ACACB: variants seen among roughly 807,000 people sequenced by gnomAD.
ACACB encodes acetyl-CoA carboxylase beta.
Under a neutral mutation model 278.8 loss-of-function variants are expected in ACACB, and 209 were observed. The observed-to-expected ratio is 0.75, with a 90% CI of 0.67 to 0.84. The LOEUF is 0.84. ACACB is among the 40% of genes least tolerant of loss of function. The probability of loss-of-function intolerance (pLI) is 0.00; values close to 1 mark genes in which losing one functional copy is unlikely to be tolerated. For synonymous variants in ACACB, 1,174 were observed against 1,285.6 expected, an observed-to-expected ratio of 0.91 and a Z score of 1.86; for missense variants, 2,850 against 3,269.0, an observed-to-expected ratio of 0.87 and a Z score of 3.13.
intron 45 of ACACB, among the ~76,000 whole-genome samples, chr12:109,256,995 C>T (rs2047241717): frequency 1.3e-5 from 2 of 152,170 alleles, no homozygotes; most frequent in Admixed American, 6.5e-5. Flanking sequence ...CAGCCAGGGC[C>T]GGGCGTGGCA....
intron 33 of ACACB, 38 bp downstream of exon 33, chr12:109,235,685 A>G (rs2136629358): frequency 6.3e-7 from 1 of 1,576,094 alleles, no homozygotes; most frequent in Non-Finnish European, 8.7e-7. Flanking sequence ...CTTCTCTAGC[A>G]TCTTGTTTTA....
At chr12:109,260,382 T>G in intron 47 of ACACB, 98 bp from the exon 48 acceptor site, 1 of 1,462,462 alleles carries the variant, frequency 6.8e-7, no homozygotes, top group South Asian at 1.2e-5. Context: ...GCCTCTCAGC[T>G]GGGCTCACTC....
chr12:109,168,075 C>A, intron 4 of ACACB, 41 bp downstream of exon 4: 1 of 1,569,798 alleles, frequency 6.4e-7, no homozygotes, highest in South Asian at 1.2e-5. Flanking sequence ...ACGCTCCATC[C>A]TTGCCTGCCC....
In ACACB at chr12:109,259,125, C is replaced by T. The variant is rs1280079639; in HGVS notation, c.6496+17C>T. On this transcript the variant is annotated intron_variant, in intron 47 of 52. Coordinates refer to ENST00000338432, the MANE Select transcript of ACACB (RefSeq NM_001093.4). ...GCATGAAAGGTAAGCCCCTCCCTGC[C>T]TATGTTACCCCAAAGCCTTGGGGTC... The T allele has an allele frequency of 6.2e-7, 1 of 1,612,932 alleles. No individual in the cohort carries two copies. Among genetic ancestry groups the T allele is most frequent in the Admixed American group, 1.7e-5 (1 of 59,986 alleles).
Position 109,237,187 on chromosome 12 carries a change from G to A in ACACB, c.4469G>A (p.Arg1490His), listed in dbSNP as rs200016239. The change falls in exon 34 of 53, where the codon CGT becomes CAT. Residue 1490 changes from arginine to histidine, a missense_variant. Physicochemically the swap from Arg to His is conservative, Grantham distance 29. Transcript: ENST00000338432. ...CAGTTTGCAGAAGATCGCATTTACC[G>A]TCACTTGGAACCTGCCCTGGCCTTC... ...RDEFAEDRIYRHLEPALAFQL... is the reference protein window; with the variant it reads ...RDEFAEDRIYHHLEPALAFQL... 88 of 1,614,094 alleles carry A rather than the reference G, an allele frequency of 5.5e-5. 1 individual carries two copies. Among genetic ancestry groups the A allele is most frequent in the Admixed American group, 5.2e-4 (31 of 59,996 alleles).
intron 21 of ACACB, among the ~76,000 whole-genome samples, chr12:109,210,220 CAT>C (rs200056306): frequency 0.056 from 1,687 of 30,382 alleles, 313 homozygotes; most frequent in African/African-American, 0.2. Context: ...TATATACACA[CAT>C]GTGTGTATAT....
chr12:109,132,361 C>G (rs1047085280), intron 1 of ACACB, among the ~76,000 whole-genome samples: 3 of 152,066 alleles, frequency 2.0e-5, no homozygotes, highest in Non-Finnish European at 4.4e-5. Flanking sequence ...AATGAGGTTT[C>G]ACCTTGTTGG....
chr12:109,127,015 A>G (rs913076526), intron 1 of ACACB, among the ~76,000 whole-genome samples: 1 of 152,218 alleles, frequency 6.6e-6, no homozygotes. Flanking sequence ...TGCTTACTCT[A>G]GCAGTACTGG....
At chr12:109,118,273 C>T (rs1457427371) in intron 1 of ACACB, among the ~76,000 whole-genome samples, 1 of 152,174 alleles carries the variant, frequency 6.6e-6, no homozygotes, top group Non-Finnish European at 1.5e-5. Flanking sequence ...CTCATACTTT[C>T]AACACCTTTA....
intron 19 of ACACB, 71 bp from the exon 20 acceptor site, chr12:109,206,639 C>G (rs1427339062): frequency 6.4e-7 from 1 of 1,570,148 alleles, no homozygotes. Flanking sequence ...TGTCCTGCCT[C>G]CCGTTCTGCC....
At chr12:109,140,249 TC>T (rs2136025446) in intron 2 of ACACB, among the ~76,000 whole-genome samples, 191 bp downstream of exon 2, 1 of 131,436 alleles carries the variant, frequency 7.6e-6, no homozygotes, top group South Asian at 2.5e-4. Flanking sequence ...CTTCCTTCCT[TC>T]CTTCCATCCT....
In ACACB at chr12:109,245,649, C is replaced by G. The variant is rs1282213813; in HGVS notation, c.5202C>G (p.Ser1734=). 2.5e-6 allele frequency: 4 copies of G among 1,614,036 alleles called. No individual in the cohort carries two copies. Among genetic ancestry groups the G allele is most frequent in the Non-Finnish European group, 3.4e-6 (4 of 1,179,996 alleles). ...AGGCTCTCTTTAAACTGTGGGGCTC[C>G]CCAGACAAGTATCCCAAAGACATCC... is the stretch of plus-strand genomic sequence containing the variant. The part of the protein sequence containing the change: ...FRQALFKLWG[S]PDKYPKDILT... The change falls in exon 38 of 53, where the codon TCC becomes TCG. Residue 1734 remains serine (S), a synonymous_variant. Coordinates refer to ENST00000338432, the MANE Select transcript of ACACB (RefSeq NM_001093.4).
chr12:109,205,719 G>A lies in ACACB; in HGVS notation c.2914-991G>A, dbSNP rs140079224. On this transcript the variant is annotated intron_variant, in intron 19 of 52. Coordinates refer to ENST00000338432, the MANE Select transcript of ACACB (RefSeq NM_001093.4). ...TCCTCCCACCTCGGACTCCCAAAGT[G>A]CTGGGATTATGGTCATGAGCCACCG... Among the ~76,000 whole-genome samples the A allele has an allele frequency of 5.8e-4, 88 of 152,160 alleles. No individual in the cohort carries two copies. The East Asian group carries it at 0.016, about 28-fold the overall frequency.
rs375836549 is a variant in ACACB at position 109,242,615 on chromosome 12, G to A, written c.5178+23G>A. The A allele has an allele frequency of 1.3e-5, 21 of 1,612,746 alleles. No individual in the cohort carries two copies. The East Asian group carries it at 1.3e-4, about 10-fold the overall frequency. The stretch of plus-strand genomic sequence containing the variant: ...CAGGCAAGTCCGGCGGCTCAGACGC[G>A]GTACCCCCTGGGTCCTCCCAGCAGA... On this transcript the variant is annotated intron_variant, in intron 37 of 52. Transcript: ENST00000338432.
intron 1 of ACACB, among the ~76,000 whole-genome samples, chr12:109,138,921 T>C (rs1277851119): frequency 6.6e-6 from 1 of 152,190 alleles, no homozygotes; most frequent in Admixed American, 6.5e-5. Flanking sequence ...TCCACTCATG[T>C]AAAGGACAAG....
At chr12:109,227,243 C>T in intron 27 of ACACB, 128 bp from the exon 28 acceptor site, 1 of 838,042 alleles carries the variant, frequency 1.2e-6, no homozygotes, top group Non-Finnish European at 1.9e-6. Flanking sequence ...AGCCACTGCA[C>T]CCGGCCTGCT....
At chr12:109,135,808 C>CTTTTT (rs59597788) in intron 1 of ACACB, among the ~76,000 whole-genome samples, 2 of 117,254 alleles carry the variant, frequency 1.7e-5, no homozygotes, top group Non-Finnish European at 3.6e-5. Flanking sequence ...AGAGGTAATA[C>CTTTTT]TTTTTTTTTT....
At position 109,139,941 on chromosome 12, in the gene ACACB, C is replaced by G. The variant is rs2043060701; in HGVS notation, c.536C>G (p.Ser179Cys). 1 of 1,614,034 alleles carries G rather than the reference C, an allele frequency of 6.2e-7. No homozygotes were observed. The highest frequency in any genetic ancestry group is 1.1e-5 in the South Asian group (1 of 91,088). Residue 179 changes from serine (S) to cysteine (C), a missense_variant, in exon 2 of 53, where the codon TCT becomes TGT. Coordinates refer to ENST00000338432, the MANE Select transcript of ACACB (RefSeq NM_001093.4). Reference protein sequence around the residue: ...SFDDYSSDEDSVAGSSRESTR... With the variant: ...SFDDYSSDEDCVAGSSRESTR... ...GATGACTACTCCTCCGACGAGGACT[C>G]TGTTGCTGGCTCATCTCGTGAGTCT...
rs973021366 is a variant in ACACB at position 109,178,877 on chromosome 12, C to G, written c.1438-211C>G. Among the ~76,000 whole-genome samples, 4 of 152,222 alleles carry G rather than the reference C, an allele frequency of 2.6e-5. No homozygotes were observed. In the South Asian group the frequency reaches 6.2e-4, roughly 24 times the overall value. On this transcript the variant is annotated intron_variant, in intron 9 of 52. Coordinates refer to ENST00000338432, the MANE Select transcript of ACACB (RefSeq NM_001093.4). Reference sequence around the variant, plus strand: ...TTCTTCCCCACCTGGGGCCGTCCCCCACCTGGGGCCCCTTTCTCCTCGTTA... The same window carrying G: ...TTCTTCCCCACCTGGGGCCGTCCCCGACCTGGGGCCCCTTTCTCCTCGTTA...
Sources: allele counts gnomAD v4.1 joint callset (sites outside exome capture counted in the v4.1 genomes callset), GRCh38; gene constraint gnomAD v4.1.1; transcripts MANE v1.5; gene names NCBI Gene and HGNC (gene_info 2026-07-23, HGNC 2026-07-21).